The following ZNF599 variants were observed in gnomAD, a reference collection of about 807,000 sequenced individuals.
ZNF599 encodes zinc finger protein 599.
In ZNF599, 10 loss-of-function variants were observed where a neutral mutation model predicts 11.7. The observed-to-expected ratio is 0.86, with a 90% CI of 0.53 to 1.45. The LOEUF is 1.45. Among genes scored for constraint, ZNF599 ranks in the 40% most tolerant of loss-of-function variants. ZNF599 has a pLI of 0.00. For missense variants in ZNF599, 688 were observed against 713.6 expected, an observed-to-expected ratio of 0.96 and a Z score of 0.41; for synonymous variants, 232 against 253.2, an observed-to-expected ratio of 0.92 and a Z score of 0.79.
At chr19:34,772,742 C>A (rs1028254150) in intron 1 of ZNF599, 82 bp downstream of exon 1, 187 of 1,531,634 alleles carry the variant, frequency 1.2e-4, no homozygotes, top group Middle Eastern at 3.3e-4. Flanking sequence ...AGCACAGAGT[C>A]CCGGCATCCG....
At chr19:34,791,838 A>G in the ZNF599 span, 2 of 152,234 alleles carry the variant, frequency 1.3e-5, no homozygotes, top group Non-Finnish European at 2.9e-5. Context: ...GAACTTTATG[A>G]GAGGCCTCTC....
chr19:34,775,414 A>T (rs192274479), upstream of ZNF599, among the ~76,000 whole-genome samples: 1 of 152,348 alleles, frequency 6.6e-6, no homozygotes, highest in Admixed American at 6.5e-5. Context: ...ACAGTATATA[A>T]TTCCATGTAT....
the ZNF599 span, among the ~76,000 whole-genome samples, chr19:34,780,643 GAA>G: frequency 7.1e-5 from 9 of 126,530 alleles, no homozygotes; most frequent in Admixed American, 2.6e-4. Flanking sequence ...GGAAAGGAAA[GAA>G]AGAGAGAGGG....
At chr19:34,784,860 CTT>C in the ZNF599 span, among the ~76,000 whole-genome samples, 1 of 151,026 alleles carries the variant, frequency 6.6e-6, no homozygotes, top group South Asian at 2.1e-4. Context: ...AGGCTCCACT[CTT>C]TCCTTTCTTT....
chr19:34,787,979 G>A, the ZNF599 span, among the ~76,000 whole-genome samples: 1 of 152,120 alleles, frequency 6.6e-6, no homozygotes. Context: ...AAAAATGGTT[G>A]CCTTTGTACT....
chr19:34,793,349 T>C, the ZNF599 span, among the ~76,000 whole-genome samples: 4 of 152,122 alleles, frequency 2.6e-5, no homozygotes, highest in Non-Finnish European at 2.9e-5. Context: ...GGCTAATCAG[T>C]GGAGCAGGGA....
chr19:34,765,415 CTATG>C (rs1019088238), intron 3 of ZNF599: 9 of 615,990 alleles, frequency 1.5e-5, no homozygotes, highest in Non-Finnish European at 2.6e-5. Flanking sequence ...TATGAGCTGC[CTATG>C]ACACGCCTGA....
At chr19:34,793,276 C>A in the ZNF599 span, among the ~76,000 whole-genome samples, 2 of 152,070 alleles carry the variant, frequency 1.3e-5, no homozygotes, top group Admixed American at 1.3e-4. Context: ...TAGAGGGAAG[C>A]CAATTGGGTC....
intron 1 of ZNF599, chr19:34,772,581 GAGGCGACAGCTCC>G (rs1432617245): frequency 4.5e-6 from 6 of 1,332,826 alleles, no homozygotes; most frequent in Non-Finnish European, 5.7e-6. Flanking sequence ...CGAGGGCAGC[GAGGCGACAGCTCC>G]AGGTTAGAGC....
chr19:34,780,645 AAGAG>A, the ZNF599 span, among the ~76,000 whole-genome samples: 475 of 137,298 alleles, frequency 3.5e-3, 2 homozygotes, highest in African/African-American at 0.012. Context: ...AAAGGAAAGA[AAGAG>A]AGAGGGGGAG....
chr19:34,787,215 T>C, the ZNF599 span, among the ~76,000 whole-genome samples: 3 of 125,634 alleles, frequency 2.4e-5, no homozygotes, highest in Admixed American at 1.7e-4. Flanking sequence ...ATTACGGCTA[T>C]TTTTATCATC....
chr19:34,774,959 G>C (rs900014384), upstream of ZNF599, among the ~76,000 whole-genome samples: 1 of 152,140 alleles, frequency 6.6e-6, no homozygotes, highest in Non-Finnish European at 1.5e-5. Context: ...GAGATAATGA[G>C]TTTTCTCAAG....
At chr19:34,766,683 AG>A (rs2069146012) in intron 3 of ZNF599, among the ~76,000 whole-genome samples, 1 of 152,234 alleles carries the variant, frequency 6.6e-6, no homozygotes, top group South Asian at 2.1e-4. Context: ...GTATCAGATA[AG>A]TATATGTTCA....
the ZNF599 span, among the ~76,000 whole-genome samples, chr19:34,785,684 A>G: frequency 6.6e-6 from 1 of 152,164 alleles, no homozygotes; most frequent in Non-Finnish European, 1.5e-5. Flanking sequence ...CATCAATGCC[A>G]CCATATCCAG....
the ZNF599 span, among the ~76,000 whole-genome samples, chr19:34,780,885 G>A: frequency 0.13 from 19,619 of 152,052 alleles, 1,335 homozygotes; most frequent in Middle Eastern, 0.21. Context: ...GGCCGGGTGC[G>A]GTGGTTCATG....
upstream of ZNF599, among the ~76,000 whole-genome samples, chr19:34,777,808 A>C (rs1012394564): frequency 6.6e-5 from 10 of 151,692 alleles, no homozygotes; most frequent in Non-Finnish European, 1.5e-4. Context: ...AATGGTGGGC[A>C]CCAGGTCTGG....
chr19:34,782,644 A>C, the ZNF599 span, among the ~76,000 whole-genome samples: 2 of 152,208 alleles, frequency 1.3e-5, no homozygotes, highest in Admixed American at 1.3e-4. Context: ...GAGAAGTGAG[A>C]AGGGCCCATG....
chr19:34,797,293 C>T, the ZNF599 span, among the ~76,000 whole-genome samples: 4 of 152,126 alleles, frequency 2.6e-5, no homozygotes. Context: ...TGTGTCTTTA[C>T]AGCAACATGA....
In ZNF599 at chr19:34,759,050, A is replaced by C. The variant is rs761984526; in HGVS notation, c.1751T>G (p.Ile584Ser). 1.9e-6 allele frequency: 3 copies of C among 1,610,642 alleles called. No individual in the cohort carries two copies. The highest frequency in any genetic ancestry group is 2.2e-5 in the South Asian group (2 of 90,782). ...CTGTATCTTTTAAACTCTGGTATGAATCTTTCGATGGTGAGTGAACGATGA... is the reference window on the plus strand; with the variant it reads ...CTGTATCTTTTAAACTCTGGTATGACTCTTTCGATGGTGAGTGAACGATGA... ...HSSSFTHHRK[I>S]HTRV Residue 584 changes from isoleucine to serine, a missense_variant, in exon 4 of 4, where the codon ATT (isoleucine) becomes AGT (serine). Physicochemically the swap from Ile to Ser is moderately radical, Grantham distance 142. Coordinates refer to ENST00000329285, the MANE Select transcript of ZNF599 (RefSeq NM_001007248.3).
Sources: gnomAD v4.1 joint callset for allele counts (sites outside exome capture counted in the v4.1 genomes callset) on GRCh38, gnomAD v4.1.1 for gene constraint, MANE v1.5 for transcripts, NCBI Gene and HGNC (gene_info 2026-07-23, HGNC 2026-07-21) for gene names.